The following CTNNBL1 variants were observed in gnomAD, a reference collection of about 807,000 sequenced individuals.
CTNNBL1 encodes beta-catenin-like protein 1.
CTNNBL1 carries 31 observed loss-of-function variants against 72.7 expected under a neutral mutation model. That is an observed-to-expected ratio of 0.43 (90% CI 0.32 to 0.58). CTNNBL1 has a LOEUF of 0.58. Ranked by LOEUF, CTNNBL1 falls within the 20% of genes least tolerant of loss-of-function variation. The probability of loss-of-function intolerance (pLI) is 0.08; values close to 1 mark genes in which losing one functional copy is unlikely to be tolerated. For missense variants in CTNNBL1, 534 were observed against 725.1 expected (o/e 0.74, Z 3.03); for synonymous variants, 240 against 267.3 (o/e 0.90, Z 1.00).
intron 13 of CTNNBL1, among the ~76,000 whole-genome samples, chr20:37,857,661 T>C (rs4811231): frequency 0.3 from 45,566 of 151,254 alleles, 8,023 homozygotes; most frequent in Middle Eastern, 0.41. Context: ...TTGATGACCA[T>C]AGTGGTGAGT....
intron 4 of CTNNBL1, among the ~76,000 whole-genome samples, chr20:37,753,396 G>A (rs77018598): frequency 0.025 from 3,804 of 152,202 alleles, 58 homozygotes; most frequent in Non-Finnish European, 0.036. Context: ...TGTCTAAAAT[G>A]TTTCTTATTT....
intron 13 of CTNNBL1, among the ~76,000 whole-genome samples, chr20:37,852,109 C>T (rs559372275): frequency 2.6e-4 from 40 of 152,348 alleles, no homozygotes; most frequent in African/African-American, 9.6e-4. Context: ...AAGGCAGTCA[C>T]CTTCAGGCTC....
intron 10 of CTNNBL1, among the ~76,000 whole-genome samples, chr20:37,801,071 A>G (rs534422081): frequency 1.3e-4 from 20 of 152,234 alleles, no homozygotes; most frequent in Non-Finnish European, 2.2e-4. Context: ...ATTATCAGGT[A>G]TCTCAATTTC....
intron 10 of CTNNBL1, among the ~76,000 whole-genome samples, chr20:37,787,601 C>T (rs898792212): frequency 1.0e-3 from 152 of 152,324 alleles, no homozygotes; most frequent in African/African-American, 3.6e-3. Context: ...GCCTTGGCCT[C>T]CCAAAGTGCT....
intron 2 of CTNNBL1, among the ~76,000 whole-genome samples, chr20:37,733,678 A>G (rs1393978278): frequency 6.6e-6 from 1 of 152,132 alleles, no homozygotes; most frequent in Non-Finnish European, 1.5e-5. Flanking sequence ...CTCAGTTCAG[A>G]TGTTTCCTCC....
chr20:37,836,487 G>C (rs371152906), intron 11 of CTNNBL1, among the ~76,000 whole-genome samples: 2 of 152,182 alleles, frequency 1.3e-5, no homozygotes, highest in East Asian at 3.9e-4. Context: ...CCTTGTTGTT[G>C]GCTATGGCTC....
At chr20:37,860,248 T>C in intron 14 of CTNNBL1, 24 bp from the exon 15 acceptor site, 1 of 1,602,756 alleles carries the variant, frequency 6.2e-7, no homozygotes, top group Non-Finnish European at 8.5e-7. Context: ...TCTTTCTTTC[T>C]CTACCCATTT....
intron 1 of CTNNBL1, among the ~76,000 whole-genome samples, chr20:37,695,557 A>G (rs1355677705): frequency 6.6e-6 from 1 of 152,220 alleles, no homozygotes; most frequent in East Asian, 1.9e-4. Context: ...TAATGTGTTT[A>G]CTAGAAAATT....
intron 13 of CTNNBL1, among the ~76,000 whole-genome samples, chr20:37,846,628 C>T (rs753011055): frequency 6.6e-6 from 1 of 152,044 alleles, no homozygotes; most frequent in African/African-American, 2.4e-5. Flanking sequence ...CCCCCTGCCC[C>T]GCCCCCGCAC....
chr20:37,709,113 G>A (rs2072915291), intron 1 of CTNNBL1, among the ~76,000 whole-genome samples: 1 of 152,018 alleles, frequency 6.6e-6, no homozygotes, highest in Non-Finnish European at 1.5e-5. Context: ...CTCCAGCCTG[G>A]CAACAGAGCA....
intron 13 of CTNNBL1, among the ~76,000 whole-genome samples, chr20:37,850,941 G>A (rs1364926084): frequency 6.6e-6 from 1 of 152,230 alleles, no homozygotes; most frequent in Non-Finnish European, 1.5e-5. Context: ...GTCAGGGGCA[G>A]ATTAGAAATG....
chr20:37,786,551 C>CATATAT (rs144124144), intron 10 of CTNNBL1, among the ~76,000 whole-genome samples: 1 of 150,170 alleles, frequency 6.7e-6, no homozygotes, highest in Non-Finnish European at 1.5e-5. Flanking sequence ...TATGTGTGTA[C>CATATAT]ATATATATAT....
intron 13 of CTNNBL1, among the ~76,000 whole-genome samples, chr20:37,852,567 G>A (rs772201561): frequency 6.6e-6 from 1 of 152,084 alleles, no homozygotes; most frequent in Non-Finnish European, 1.5e-5. Flanking sequence ...ATACCCATAC[G>A]CAGGTAGAAA....
chr20:37,867,355 A>G (rs4811246), intron 15 of CTNNBL1, among the ~76,000 whole-genome samples: 114,165 of 152,052 alleles, frequency 0.75, 43,021 homozygotes, highest in East Asian at 0.85. Context: ...GTGAATACTC[A>G]TCCAGGTCTC....
intron 1 of CTNNBL1, among the ~76,000 whole-genome samples, chr20:37,723,802 G>T (rs2073061612): frequency 6.6e-6 from 1 of 152,162 alleles, no homozygotes. Flanking sequence ...TATGAACTTT[G>T]GCTGATGATA....
chr20:37,778,516 T>G (rs900680092), intron 9 of CTNNBL1, among the ~76,000 whole-genome samples: 1 of 152,182 alleles, frequency 6.6e-6, no homozygotes, highest in Admixed American at 6.5e-5. Flanking sequence ...TTGATCTTCT[T>G]GTAGTAGACT....
At chr20:37,813,489 G>C (rs149518715) in intron 11 of CTNNBL1, among the ~76,000 whole-genome samples, 1 of 152,284 alleles carries the variant, frequency 6.6e-6, no homozygotes, top group African/African-American at 2.4e-5. Context: ...CCGCTAATTA[G>C]CCCAAATTCA....
At chr20:37,706,602 G>A (rs1027125496) in intron 1 of CTNNBL1, among the ~76,000 whole-genome samples, 2 of 152,190 alleles carry the variant, frequency 1.3e-5, no homozygotes, top group African/African-American at 4.8e-5. Context: ...CACCACATCT[G>A]CAGTTAGTTC....
At chr20:37,781,868 A>T (rs965371844) in intron 10 of CTNNBL1, among the ~76,000 whole-genome samples, 1 of 152,150 alleles carries the variant, frequency 6.6e-6, no homozygotes, top group Non-Finnish European at 1.5e-5. Flanking sequence ...AAATGCCCAC[A>T]TGGAGAGGTG....
Sources: allele counts gnomAD v4.1 joint callset (sites outside exome capture counted in the v4.1 genomes callset), GRCh38; gene constraint gnomAD v4.1.1; transcripts MANE v1.5; gene names NCBI Gene and HGNC (gene_info 2026-07-23, HGNC 2026-07-21).